Variants in FAM131B observed in about 807,000 individuals in gnomAD.
FAM131B encodes the protein protein FAM131B.
In FAM131B, 19 loss-of-function variants were observed where a neutral mutation model predicts 42.0. The observed-to-expected ratio is 0.45, with a 90% CI of 0.32 to 0.66. FAM131B has a LOEUF of 0.66. FAM131B is among the 30% of genes least tolerant of loss of function. The pLI is 0.05. For missense variants in FAM131B, 370 were observed against 468.4 expected, an observed-to-expected ratio of 0.79 and a Z score of 1.94; for synonymous variants, 183 against 177.6, an observed-to-expected ratio of 1.03 and a Z score of -0.24.
At chr7:143,360,218 A>G in intron 1 of FAM131B, 69 bp from the exon 2 acceptor site, 2 of 1,547,882 alleles carry the variant, frequency 1.3e-6, no homozygotes, top group Non-Finnish European at 1.7e-6. Context: ...CCCTGGGGCC[A>G]GCCCTTCACA....
In FAM131B at chr7:143,362,062, C is replaced by T. The variant is rs940232886; in HGVS notation, c.28+514G>A. ...AGGCAGGAACGACAGTAAAAGGCAA[C>T]GGAGAGGGAGAGAGAGATGGGGCAA... On this transcript the variant is annotated intron_variant, in intron 1 of 6. Coordinates refer to ENST00000443739, the MANE Select transcript of FAM131B (RefSeq NM_001031690.3). The surrounding 1 kb of genome is among the most constrained non-coding windows in gnomAD (Gnocchi z 7.7). 4.7e-5 allele frequency: 46 copies of T among 984,822 alleles called. No homozygotes were observed. In the African/African-American group the frequency reaches 7.3e-4, roughly 16 times the overall value. The allele number at this position is 984,822 out of a possible 1,614,324, so 61.0% of individuals were successfully genotyped here. A position where few individuals can be genotyped will look rare whatever the true frequency, so the allele number is the denominator to read the frequency against.
the FAM131B span, among the ~76,000 whole-genome samples, chr7:143,368,165 G>A: frequency 2.6e-5 from 4 of 152,350 alleles, no homozygotes; most frequent in South Asian, 2.1e-4. Flanking sequence ...ACAAGCAGCA[G>A]CGACCAGGCA....
chr7:143,369,639 C>G, the FAM131B span, among the ~76,000 whole-genome samples: 28 of 143,816 alleles, frequency 1.9e-4, no homozygotes, highest in African/African-American at 6.5e-4. Flanking sequence ...CGCACCACTG[C>G]ACTACAGCCT....
At chr7:143,378,984 G>A in the FAM131B span, among the ~76,000 whole-genome samples, 2 of 152,298 alleles carry the variant, frequency 1.3e-5, no homozygotes, top group Admixed American at 1.3e-4. Context: ...TATTTAGAAT[G>A]GCTGGCTTAA....
chr7:143,361,495 T>C (rs1300139804), intron 1 of FAM131B: 1 of 151,762 alleles, frequency 6.6e-6, no homozygotes, highest in Non-Finnish European at 1.5e-5. Context: ...TCCATGGAAA[T>C]AAACCGGGTC....
upstream of FAM131B, among the ~76,000 whole-genome samples, chr7:143,366,235 T>C (rs930014453): frequency 2.6e-5 from 4 of 152,250 alleles, no homozygotes; most frequent in African/African-American, 7.2e-5. Context: ...AAGAGAGGAA[T>C]ACATCTATCT....
upstream of FAM131B, among the ~76,000 whole-genome samples, chr7:143,366,160 A>T (rs1804177475): frequency 6.6e-6 from 1 of 152,254 alleles, no homozygotes; most frequent in South Asian, 2.1e-4. Context: ...TCAACTCAGG[A>T]CATTTGAATG....
chr7:143,358,941 C>G lies in FAM131B; in HGVS notation c.352G>C (p.Gly118Arg). The change falls in exon 5 of 7, where the codon GGC becomes CGC. Residue 118 changes from glycine to arginine, a missense_variant. Coordinates refer to ENST00000443739, the MANE Select transcript of FAM131B (RefSeq NM_001031690.3). The surrounding 1 kb of genome is among the most constrained non-coding windows in gnomAD (Gnocchi z 4.7). ...TGAACAGCTGGTGTCTTCCCCCAGC[C>G]CTGCCACTCAATCATGTGGGCCACC... ...GRVAHMIEWQ[G>R]WGKTPAVQPQ... is the part of the protein sequence containing the mutation. 2 of 1,614,112 alleles carry G rather than the reference C, an allele frequency of 1.2e-6. No individual in the cohort carries two copies. The highest frequency in any genetic ancestry group is 1.7e-6 in the Non-Finnish European group (2 of 1,180,006).
chr7:143,356,583 G>A lies in FAM131B; in HGVS notation c.1050C>T (p.Ser350=). 1.2e-6 allele frequency: 2 copies of A among 1,613,904 alleles called. No homozygotes were observed. The highest frequency in any genetic ancestry group is 1.1e-5 in the South Asian group (1 of 91,054). The change falls in exon 7 of 7, where the codon TCC becomes TCT. Residue 350 remains serine (S), a synonymous_variant. Transcript: ENST00000443739. The surrounding 1 kb of genome is among the most constrained non-coding windows in gnomAD (Gnocchi z 4.4). ...TGGCCTCGCCTTCCTCCTCATCAAA[G>A]GACTGCACACCTGAGGATGTGACGT... The part of the protein sequence containing the change: ...VSDVTSSGVQ[S]FDEEEGEANN
At chr7:143,381,642 A>G in the FAM131B span, 1 of 1,612,358 alleles carries the variant, frequency 6.2e-7, no homozygotes, top group South Asian at 1.1e-5. Flanking sequence ...GCCCCGCAGA[A>G]GAAGTTCGGC....
Position 143,356,845 on chromosome 7 carries a change from A to C in FAM131B, c.788T>G (p.Met263Arg). 1 of 1,614,132 alleles carries C rather than the reference A, an allele frequency of 6.2e-7. No individual in the cohort carries two copies. The highest frequency in any genetic ancestry group is 8.5e-7 in the Non-Finnish European group (1 of 1,180,046). Residue 263 changes from methionine to arginine, a missense_variant, in exon 7 of 7, where the codon ATG becomes AGG. By Grantham distance (91) the Met-to-Arg change is moderately conservative. Transcript: ENST00000443739. This position sits in a 1 kb window ranked among gnomAD's most constrained non-coding sequence, Gnocchi z 4.4. ...FDDSQPSLHE[M>R]GPSQPASGYS... ...TCCTGAAGCTGGTTGGGAAGGTCCCATTTCATGCAAGCTGGGTTGTGAGTC... is the reference window on the plus strand; with the variant it reads ...TCCTGAAGCTGGTTGGGAAGGTCCCCTTTCATGCAAGCTGGGTTGTGAGTC...
At chr7:143,363,814 G>A (rs1420217678), upstream of FAM131B, 2 of 152,256 alleles carry the variant, frequency 1.3e-5, no homozygotes, top group East Asian at 3.8e-4. Context: ...CGAGGTTGCA[G>A]AGAGAGAAGG....
rs1803871927 is a variant in FAM131B at position 143,359,872 on chromosome 7, CT to C, written c.139-106del. The stretch of plus-strand genomic sequence containing the variant: ...CCAGGAGTGCGGGATGTGGGGAGGG[CT>C]TTCCTGAGGTTGATGCCGCTAACTG... On this transcript the variant is annotated intron_variant, in intron 2 of 6. Transcript: ENST00000443739. The surrounding 1 kb of genome is among the most constrained non-coding windows in gnomAD (Gnocchi z 5.4). The C allele has an allele frequency of 1.7e-6, 2 of 1,185,810 alleles. No individual in the cohort carries two copies. Among genetic ancestry groups the C allele is most frequent in the South Asian group, 2.6e-5 (2 of 76,552 alleles). 73.5% of individuals were successfully genotyped at this position (1,185,810 alleles called of 1,614,324 possible). A position where few individuals can be genotyped will look rare whatever the true frequency, so the allele number is the denominator to read the frequency against.
At position 143,359,230 on chromosome 7, in the gene FAM131B, G is replaced by T; in HGVS notation, c.268+96C>A. 2 of 1,094,346 alleles carry T rather than the reference G, an allele frequency of 1.8e-6. No individual in the cohort carries two copies. The highest frequency in any genetic ancestry group is 1.4e-6 in the Non-Finnish European group (1 of 728,468). 67.8% of individuals were successfully genotyped at this position (1,094,346 alleles called of 1,614,324 possible). On this transcript the variant is annotated intron_variant, in intron 4 of 6. Coordinates refer to ENST00000443739, the MANE Select transcript of FAM131B (RefSeq NM_001031690.3). This position sits in a 1 kb window ranked among gnomAD's most constrained non-coding sequence, Gnocchi z 5.4. ...GGTGAATAGGTCAGGGGGTGGGGAT[G>T]AGGGTCTTCATCAACCTCGAAGGAG...
At position 143,356,477 on chromosome 7, in the gene FAM131B, G is replaced by A. The variant is rs377276492; in HGVS notation, c.*73C>T. On this transcript the variant is annotated 3_prime_UTR_variant, in exon 7 of 7. Transcript: ENST00000443739. This position sits in a 1 kb window ranked among gnomAD's most constrained non-coding sequence, Gnocchi z 4.4. ...TCTGCCCAGTTTCAGCTGTACTGCT[G>A]GGGGGAGGGAGGGTATGGGTCACAG... 28 of 1,123,590 alleles carry A rather than the reference G, an allele frequency of 2.5e-5. No individual in the cohort carries two copies. Among genetic ancestry groups the A allele is most frequent in the African/African-American group, 1.1e-4 (7 of 65,636 alleles). The allele number at this position is 1,123,590 out of a possible 1,614,324, so 69.6% of individuals were successfully genotyped here. A position where few individuals can be genotyped will look rare whatever the true frequency, so the allele number is the denominator to read the frequency against.
At position 143,355,108 on chromosome 7, in the gene FAM131B, C is replaced by T. The variant is rs1472696090; in HGVS notation, c.*1442G>A. The T allele has an allele frequency of 1.3e-5, 2 of 152,520 alleles. No homozygotes were observed. Among genetic ancestry groups the T allele is most frequent in the Non-Finnish European group, 2.9e-5 (2 of 68,314 alleles). The allele number at this position is 152,520 out of a possible 1,614,324, so 9.4% of individuals were successfully genotyped here. A position where few individuals can be genotyped will look rare whatever the true frequency, so the allele number is the denominator to read the frequency against. On this transcript the variant is annotated 3_prime_UTR_variant, in exon 7 of 7. Coordinates refer to ENST00000443739, the MANE Select transcript of FAM131B (RefSeq NM_001031690.3). The surrounding 1 kb of genome is among the most constrained non-coding windows in gnomAD (Gnocchi z 4.1). Reference sequence around the variant, plus strand: ...CAGTGAGCCTCTTAGGCCTCTCTCTCCTACCCGAACTCTGCCTGTGCCAAG... The same window carrying T: ...CAGTGAGCCTCTTAGGCCTCTCTCTTCTACCCGAACTCTGCCTGTGCCAAG...
Position 143,356,610 on chromosome 7 carries a change from AGACACCTTCC to A in FAM131B, c.1013_1022del (p.Arg338LeufsTer81), listed in dbSNP as rs776599479. The A allele has an allele frequency of 6.2e-7, 1 of 1,614,046 alleles. No individual in the cohort carries two copies. Among genetic ancestry groups the A allele is most frequent in the East Asian group, 2.2e-5 (1 of 44,862 alleles). ...ACTGCACACCTGAGGATGTGACGTC[AGACACCTTCC>A]GGCTGAGAGCGGTAGACATCTCAGG... is the stretch of plus-strand genomic sequence containing the variant. On this transcript the variant is annotated frameshift_variant, in exon 7 of 7. Transcript: ENST00000443739. LOFTEE classifies it high-confidence loss of function. The surrounding 1 kb of genome is among the most constrained non-coding windows in gnomAD (Gnocchi z 4.4).
chr7:143,353,547 A>T lies in FAM131B; in HGVS notation c.*3003T>A, dbSNP rs1313603131. The T allele has an allele frequency of 6.6e-6, 1 of 152,452 alleles. No individual in the cohort carries two copies. The highest frequency in any genetic ancestry group is 1.5e-5 in the Non-Finnish European group (1 of 68,018). The allele number at this position is 152,452 out of a possible 1,614,324, so 9.4% of individuals were successfully genotyped here. A position where few individuals can be genotyped will look rare whatever the true frequency, so the allele number is the denominator to read the frequency against. ...TTTGAGCCCATGCCCTTGTGTACATAATCTCTAATATTTATATATATTGAT... is the reference window on the plus strand; with the variant it reads ...TTTGAGCCCATGCCCTTGTGTACATTATCTCTAATATTTATATATATTGAT... On this transcript the variant is annotated 3_prime_UTR_variant, in exon 7 of 7. Coordinates refer to ENST00000443739, the MANE Select transcript of FAM131B (RefSeq NM_001031690.3).
At chr7:143,381,099 C>CGGGGGCGGCAGTGAGTGGGGT in the FAM131B span, 1 of 630,996 alleles carries the variant, frequency 1.6e-6, no homozygotes, top group Non-Finnish European at 1.9e-6. Flanking sequence ...GCTGGGGCGG[C>CGGGGGCGGCAGTGAGTGGGGT]GGGGGCGGCA....
Sources: gnomAD v4.1 joint callset for allele counts (sites outside exome capture counted in the v4.1 genomes callset) on GRCh38, gnomAD v4.1.1 for gene constraint, Gnocchi (gnomAD v3.1) non-coding constraint, MANE v1.5 for transcripts, NCBI Gene and HGNC (gene_info 2026-07-23, HGNC 2026-07-21) for gene names.